Variants in IPO8 observed in about 807,000 individuals in gnomAD.
IPO8 encodes importin 8.
In IPO8, 65 loss-of-function variants were observed where a neutral mutation model predicts 141.2. The ratio of observed to expected loss-of-function variants is 0.46; its 90% CI spans 0.38 to 0.57. The LOEUF (loss-of-function observed/expected upper bound fraction) is 0.57. IPO8 is among the 20% of genes least tolerant of loss of function. IPO8 has a pLI of 0.00. For missense variants in IPO8, 980 were observed against 1,246.8 expected, an observed-to-expected ratio of 0.79 and a Z score of 3.22; for synonymous variants, 411 against 420.3, an observed-to-expected ratio of 0.98 and a Z score of 0.27.
intron 20 of IPO8, among the ~76,000 whole-genome samples, chr12:30,642,561 G>A (rs970447921): frequency 6.0e-5 from 9 of 150,944 alleles, no homozygotes; most frequent in Non-Finnish European, 1.3e-4. Context: ...TATATATAGC[G>A]ACATATTAGT....
chr12:30,646,609 A>G lies in IPO8; in HGVS notation c.2268+2528T>C, dbSNP rs149294087. Among the ~76,000 whole-genome samples, 1,029 of 152,316 alleles carry G rather than the reference A, an allele frequency of 6.8e-3. 7 individuals carry two copies. The highest frequency in any genetic ancestry group is 0.024 in the African/African-American group (978 of 41,576). ...ATTCTAAAAAATCCACTAAACCACC[A>G]TTAAAACTAATAAATCAGTTCAGCA... On this transcript the variant is annotated intron_variant, in intron 20 of 24. Transcript: ENST00000256079.
intron 6 of IPO8, among the ~76,000 whole-genome samples, chr12:30,675,065 G>A (rs1011679510): frequency 6.6e-6 from 1 of 152,118 alleles, no homozygotes; most frequent in Non-Finnish European, 1.5e-5. Flanking sequence ...TTTTTATCTG[G>A]GTGATAACAC....
intron 20 of IPO8, among the ~76,000 whole-genome samples, chr12:30,648,254 A>G (rs1441201916): frequency 6.6e-6 from 1 of 152,220 alleles, no homozygotes; most frequent in African/African-American, 2.4e-5. Context: ...AAAGAAATAA[A>G]GTACCAATAC....
chr12:30,647,173 T>A (rs1354916974), intron 20 of IPO8, among the ~76,000 whole-genome samples: 3 of 152,180 alleles, frequency 2.0e-5, no homozygotes, highest in Non-Finnish European at 4.4e-5. Context: ...GTCAACTGAT[T>A]TGACAAGAAT....
intron 12 of IPO8, 59 bp downstream of exon 12, chr12:30,665,670 C>G (rs998230154): frequency 9.4e-7 from 1 of 1,062,844 alleles, no homozygotes; most frequent in Admixed American, 1.9e-5. Flanking sequence ...CTTTCATATT[C>G]TCTCATTTGC....
chr12:30,640,142 C>T (rs1261187836), intron 20 of IPO8, among the ~76,000 whole-genome samples: 1 of 151,962 alleles, frequency 6.6e-6, no homozygotes, highest in Non-Finnish European at 1.5e-5. Context: ...ATGATGTAAT[C>T]AGATTGTTTT....
intron 5 of IPO8, chr12:30,676,850 C>A: frequency 8.0e-7 from 1 of 1,242,944 alleles, no homozygotes; most frequent in South Asian, 1.3e-5. Context: ...ACTGAGGTCT[C>A]ATTTATTCAG....
intron 16 of IPO8, among the ~76,000 whole-genome samples, chr12:30,659,540 G>A (rs1035027003): frequency 7.3e-5 from 11 of 150,600 alleles, no homozygotes; most frequent in South Asian, 2.1e-4. Flanking sequence ...CCATTGGCAC[G>A]TCATAAACAC....
chr12:30,692,497 G>A (rs1014386414), intron 1 of IPO8, among the ~76,000 whole-genome samples: 17 of 152,094 alleles, frequency 1.1e-4, no homozygotes, highest in African/African-American at 3.9e-4. Flanking sequence ...TTCAGGCTTC[G>A]AGTTTCTAAA....
rs1287413018 is a variant in IPO8, at chr12:30,650,216, GA to G, written c.2173-985del. Among the ~76,000 whole-genome samples, 9 of 151,936 alleles carry G rather than the reference GA, an allele frequency of 5.9e-5. No individual in the cohort carries two copies. The East Asian group carries it at 1.7e-3, about 29-fold the overall frequency. On this transcript the variant is annotated intron_variant, in intron 19 of 24. Transcript: ENST00000256079. ...AAAACTCAGATTAGATGATTTTCTA[GA>G]AAAATAAAATTTAAGAAAAATTAAT...
intron 9 of IPO8, among the ~76,000 whole-genome samples, chr12:30,669,798 T>G (rs1436468520): frequency 6.6e-6 from 1 of 152,148 alleles, no homozygotes; most frequent in East Asian, 1.9e-4. Flanking sequence ...TCTTTACTTC[T>G]ATTCCCAAAA....
chr12:30,633,181 T>C (rs1025781247), intron 23 of IPO8, among the ~76,000 whole-genome samples: 72 of 152,350 alleles, frequency 4.7e-4, no homozygotes, highest in African/African-American at 1.5e-3. Context: ...TAGTTTTTTC[T>C]TCATTAATGT....
chr12:30,666,359 A>G (rs2052965763), intron 10 of IPO8, 108 bp from the exon 11 acceptor site: 1 of 645,554 alleles, frequency 1.5e-6, no homozygotes, highest in Non-Finnish European at 2.6e-6. Flanking sequence ...AACCATCCAC[A>G]TATGACACTG....
chr12:30,642,041 C>A (rs896788381), intron 20 of IPO8, among the ~76,000 whole-genome samples: 3 of 151,838 alleles, frequency 2.0e-5, no homozygotes, highest in Non-Finnish European at 4.4e-5. Context: ...ACTAAAAATA[C>A]AAAAATTAGC....
chr12:30,658,056 C>G (rs1382755999), intron 16 of IPO8, among the ~76,000 whole-genome samples: 1 of 152,088 alleles, frequency 6.6e-6, no homozygotes, highest in Non-Finnish European at 1.5e-5. Context: ...AAGTTAAAAT[C>G]TATGACGGGT....
chr12:30,653,623 C>T (rs902414808), intron 17 of IPO8, among the ~76,000 whole-genome samples: 1 of 151,940 alleles, frequency 6.6e-6, no homozygotes, highest in Non-Finnish European at 1.5e-5. Context: ...GACAATAAGA[C>T]CCACTATAAA....
intron 20 of IPO8, among the ~76,000 whole-genome samples, chr12:30,640,893 G>A (rs1836892722): frequency 6.6e-6 from 1 of 152,152 alleles, no homozygotes; most frequent in Admixed American, 6.5e-5. Flanking sequence ...AAATGTTTGA[G>A]ACAATGGATA....
rs555069631 is a variant in IPO8, at chr12:30,690,009, G to A, written c.166+487C>T. Reference sequence around the variant, plus strand: ...ACGATGTACAACATCATGAAACAACGTAAGATCCCACAGACTTAAAAGTAA... The same window carrying A: ...ACGATGTACAACATCATGAAACAACATAAGATCCCACAGACTTAAAAGTAA... On this transcript the variant is annotated intron_variant, in intron 2 of 24. Coordinates refer to ENST00000256079, the MANE Select transcript of IPO8 (RefSeq NM_006390.4). 2.6e-5 allele frequency among the ~76,000 whole-genome samples: 4 copies of A among 152,234 alleles called. No homozygotes were observed. In the East Asian group the frequency reaches 5.8e-4, roughly 22 times the overall value.
chr12:30,694,601 C>T (rs745504106), intron 1 of IPO8, among the ~76,000 whole-genome samples: 1 of 152,150 alleles, frequency 6.6e-6, no homozygotes, highest in Non-Finnish European at 1.5e-5. Context: ...GTTTCTGATT[C>T]GTTAAGTCTG....
Sources: allele counts gnomAD v4.1 joint callset (sites outside exome capture counted in the v4.1 genomes callset), GRCh38; gene constraint gnomAD v4.1.1; transcripts MANE v1.5; gene names NCBI Gene and HGNC (gene_info 2026-07-23, HGNC 2026-07-21).